The following ERGIC2 variants were observed in gnomAD, a reference collection of about 807,000 sequenced individuals.
The protein encoded by ERGIC2 is ERGIC and golgi 2.
ERGIC2 carries 31 observed loss-of-function variants against 52.5 expected under a neutral mutation model. The observed-to-expected ratio is 0.59, with a 90% CI of 0.44 to 0.80. The LOEUF is 0.80. Ranked by LOEUF, ERGIC2 falls within the 30% of genes least tolerant of loss-of-function variation. ERGIC2 has a pLI of 0.00. For synonymous variants in ERGIC2, 129 were observed against 140.6 expected, an observed-to-expected ratio of 0.92 and a Z score of 0.58; for missense variants, 395 against 455.2, an observed-to-expected ratio of 0.87 and a Z score of 1.20.
rs1949836215 is a variant in ERGIC2 at position 29,341,075 on chromosome 12, G to C, written c.*81C>G. On this transcript the variant is annotated 3_prime_UTR_variant, in exon 14 of 14. Coordinates refer to ENST00000360150, the MANE Select transcript of ERGIC2 (RefSeq NM_016570.3). ...TGCTTATTTGTGTTTTCTTTTCTTT[G>C]AATATATTGCACAATATTTTATTAT... 1 of 912,828 alleles carries C rather than the reference G, an allele frequency of 1.1e-6. No homozygotes were observed. 56.5% of individuals were successfully genotyped at this position (912,828 alleles called of 1,614,324 possible). A position where few individuals can be genotyped will look rare whatever the true frequency, so the allele number is the denominator to read the frequency against.
intron 12 of ERGIC2, among the ~76,000 whole-genome samples, chr12:29,342,133 T>A (rs1175032248): frequency 1.3e-5 from 2 of 152,120 alleles, no homozygotes; most frequent in Non-Finnish European, 2.9e-5. Context: ...TGCTTCAGCC[T>A]CCCAATTAGC....
intron 5 of ERGIC2, among the ~76,000 whole-genome samples, chr12:29,366,151 G>A (rs1351872662): frequency 6.6e-6 from 1 of 151,800 alleles, no homozygotes; most frequent in Non-Finnish European, 1.5e-5. Flanking sequence ...ACTCAAGAAC[G>A]CATGCGTAAA....
At position 29,341,222 on chromosome 12, in the gene ERGIC2, A is replaced by C. The variant is rs751747666; in HGVS notation, c.1072-4T>G. The C allele has an allele frequency of 6.2e-6, 10 of 1,603,684 alleles. No homozygotes were observed. The East Asian group carries it at 2.3e-4, about 36-fold the overall frequency. ...TGTGGCCATCCTCAAAAGGAACCTA[A>C]GGAGAAAAGGAGGGAAAAAAAGACC... On this transcript the variant is annotated splice_region_variant and splice_polypyrimidine_tract_variant and intron_variant, in intron 13 of 13. Transcript: ENST00000360150.
Position 29,360,557 on chromosome 12 carries a change from AATAT to A in ERGIC2, c.374+1084_374+1087del, listed in dbSNP as rs1940270530. ...AATATATAAACTTTTATATATTATAAATATATAATATACTCATATATGATATACA... is the reference window on the plus strand; with the variant it reads ...AATATATAAACTTTTATATATTATAAATAATATACTCATATATGATATACA... On this transcript the variant is annotated intron_variant, in intron 6 of 13. Coordinates refer to ENST00000360150, the MANE Select transcript of ERGIC2 (RefSeq NM_016570.3). Among the ~76,000 whole-genome samples, 4 of 147,746 alleles carry A rather than the reference AATAT, an allele frequency of 2.7e-5. No individual in the cohort carries two copies. The South Asian group carries it at 8.4e-4, about 31-fold the overall frequency.
chr12:29,356,361 C>T, intron 8 of ERGIC2, 21 bp downstream of exon 8: 1 of 1,348,104 alleles, frequency 7.4e-7, no homozygotes, highest in Non-Finnish European at 1.1e-6. Context: ...AAAGTATTTT[C>T]AGTAAGTGAA....
chr12:29,375,324 A>T (rs1026525710), intron 1 of ERGIC2, among the ~76,000 whole-genome samples: 1 of 152,160 alleles, frequency 6.6e-6, no homozygotes, highest in African/African-American at 2.4e-5. Flanking sequence ...GTCTAACTTG[A>T]TCTTTGTATC....
intron 9 of ERGIC2, 118 bp from the exon 10 acceptor site, chr12:29,349,295 GATA>G (rs1940100700): frequency 2.1e-6 from 1 of 467,438 alleles, no homozygotes; most frequent in East Asian, 3.6e-5. Context: ...AATCTTCAAG[GATA>G]ATAATACAGT....
intron 4 of ERGIC2, 143 bp from the exon 5 acceptor site, chr12:29,367,090 C>T (rs954625099): frequency 8.7e-6 from 4 of 461,400 alleles, no homozygotes; most frequent in East Asian, 3.3e-5. Context: ...GAATAATTTC[C>T]GATATATTTG....
intron 4 of ERGIC2, 72 bp from the exon 5 acceptor site, chr12:29,367,019 T>C: frequency 1.5e-6 from 1 of 652,344 alleles, no homozygotes; most frequent in Non-Finnish European, 2.2e-6. Context: ...ATAAACAAAT[T>C]AAGCCAACTA....
chr12:29,372,016 T>C (rs1481742553), intron 1 of ERGIC2, among the ~76,000 whole-genome samples: 1 of 152,016 alleles, frequency 6.6e-6, no homozygotes, highest in East Asian at 1.9e-4. Context: ...TGAATGACAG[T>C]GAAGTAAAAT....
intron 8 of ERGIC2, among the ~76,000 whole-genome samples, chr12:29,355,315 T>G (rs956669315): frequency 2.0e-5 from 3 of 152,222 alleles, no homozygotes; most frequent in Non-Finnish European, 4.4e-5. Context: ...ATGTCAGGCC[T>G]ATTTAAAATA....
intron 6 of ERGIC2, 65 bp downstream of exon 6, chr12:29,361,580 T>A (rs1042169515): frequency 3.3e-5 from 40 of 1,211,910 alleles, no homozygotes; most frequent in African/African-American, 4.6e-5. Flanking sequence ...AATCTATAAA[T>A]AGTTTACAAT....
At chr12:29,365,628 C>G (rs1306868884) in intron 5 of ERGIC2, among the ~76,000 whole-genome samples, 1 of 150,610 alleles carries the variant, frequency 6.6e-6, no homozygotes, top group Non-Finnish European at 1.5e-5. Flanking sequence ...AAAACAGTCC[C>G]TCTTCAAAAT....
At chr12:29,341,618 C>T (rs1949840943) in intron 13 of ERGIC2, 116 bp downstream of exon 13, 2 of 645,496 alleles carry the variant, frequency 3.1e-6, no homozygotes. Context: ...AGCGATCCTC[C>T]CGCCTTAGCC....
At chr12:29,380,282 G>A (rs1940569764) in intron 1 of ERGIC2, among the ~76,000 whole-genome samples, 1 of 152,082 alleles carries the variant, frequency 6.6e-6, no homozygotes, top group Non-Finnish European at 1.5e-5. Context: ...CAATGTATCA[G>A]GCTAGGCAAT....
chr12:29,340,472 C>G lies in ERGIC2; in HGVS notation c.*684G>C, dbSNP rs1451932052. On this transcript the variant is annotated 3_prime_UTR_variant, in exon 14 of 14. Transcript: ENST00000360150. ...TGAATGACACCCTAGTTACATAACA[C>G]CTACATATCTGCCCCTGTGAGAATT... 1 of 157,848 alleles carries G rather than the reference C, an allele frequency of 6.3e-6. No individual in the cohort carries two copies. The highest frequency in any genetic ancestry group is 1.4e-5 in the Non-Finnish European group (1 of 72,010). The allele number at this position is 157,848 out of a possible 1,614,324, so 9.8% of individuals were successfully genotyped here. A position where few individuals can be genotyped will look rare whatever the true frequency, so the allele number is the denominator to read the frequency against.
intron 5 of ERGIC2, among the ~76,000 whole-genome samples, chr12:29,365,166 T>C (rs747681571): frequency 1.1e-4 from 17 of 152,136 alleles, no homozygotes; most frequent in Non-Finnish European, 2.1e-4. Flanking sequence ...TGATCTTTAT[T>C]GCAGCACCAT....
intron 2 of ERGIC2, among the ~76,000 whole-genome samples, chr12:29,370,764 C>G (rs1591999287): frequency 6.6e-6 from 1 of 152,106 alleles, no homozygotes; most frequent in East Asian, 1.9e-4. Context: ...CAAATAACAT[C>G]TCTAAATAGC....
At chr12:29,364,895 CAAT>C (rs1940336529) in intron 5 of ERGIC2, among the ~76,000 whole-genome samples, 1 of 149,766 alleles carries the variant, frequency 6.7e-6, no homozygotes, top group Non-Finnish European at 1.5e-5. Flanking sequence ...ATCAAAACCA[CAAT>C]GAGAGGCCAT....
Sources: allele counts gnomAD v4.1 joint callset (sites outside exome capture counted in the v4.1 genomes callset), GRCh38; gene constraint gnomAD v4.1.1; transcripts MANE v1.5; gene names NCBI Gene and HGNC (gene_info 2026-07-23, HGNC 2026-07-21).